The following PTPRA variants were observed in gnomAD, a reference collection of about 807,000 sequenced individuals.
PTPRA encodes receptor-type tyrosine-protein phosphatase alpha.
In PTPRA, 25 loss-of-function variants were observed where a neutral mutation model predicts 104.8. The observed-to-expected ratio is 0.24, with a 90% CI of 0.17 to 0.33. The LOEUF (loss-of-function observed/expected upper bound fraction) is 0.33. Among genes scored for constraint, PTPRA ranks in the 10% least tolerant of loss-of-function variants. The pLI is 1.00. For synonymous variants in PTPRA, 323 were observed against 368.9 expected (o/e 0.88, Z 1.43); for missense variants, 765 against 1,015.3 (o/e 0.75, Z 3.35).
chr20:2,937,714 TAG>T (rs2147605538), intron 2 of PTPRA, among the ~76,000 whole-genome samples: 1 of 152,336 alleles, frequency 6.6e-6, no homozygotes, highest in African/African-American at 2.4e-5. Flanking sequence ...TCCTTTCTGA[TAG>T]AGTTTCTTTA....
rs2063007839 is a variant in PTPRA at position 2,988,618 on chromosome 20, C to T, written c.738+144C>T. ...AATGTTTTACCAAGTTTATCTGACT[C>T]CCTGTATGATCATGGATAGGAAATG... On this transcript the variant is annotated intron_variant, in intron 9 of 23. Transcript: ENST00000399903. 4 of 1,221,230 alleles carry T rather than the reference C, an allele frequency of 3.3e-6. No homozygotes were observed. The Admixed American group carries it at 9.8e-5, about 30-fold the overall frequency. The allele number at this position is 1,221,230 out of a possible 1,614,324, so 75.6% of individuals were successfully genotyped here.
intron 9 of PTPRA, among the ~76,000 whole-genome samples, chr20:2,991,128 C>T (rs1445825511): frequency 6.6e-6 from 1 of 152,098 alleles, no homozygotes; most frequent in Non-Finnish European, 1.5e-5. Context: ...CCAAGCCAGG[C>T]AGATCACCTG....
intron 5 of PTPRA, among the ~76,000 whole-genome samples, chr20:2,971,444 ACT>A (rs1341109179): frequency 6.6e-6 from 1 of 151,932 alleles, no homozygotes; most frequent in Non-Finnish European, 1.5e-5. Flanking sequence ...GCCACCTTAA[ACT>A]CTCTTAGTAT....
At chr20:3,011,733 C>T (rs893320791) in intron 11 of PTPRA, among the ~76,000 whole-genome samples, 1 of 152,146 alleles carries the variant, frequency 6.6e-6, no homozygotes, top group Admixed American at 6.5e-5. Flanking sequence ...ATAGAGTGTA[C>T]TTTTCATCCA....
At chr20:2,968,752 A>G (rs541450268) in intron 5 of PTPRA, among the ~76,000 whole-genome samples, 36 of 151,464 alleles carry the variant, frequency 2.4e-4, no homozygotes, top group Non-Finnish European at 4.1e-4. Flanking sequence ...CATCTCTACA[A>G]ATGATTTAGA....
intron 19 of PTPRA, 145 bp from the exon 20 acceptor site, chr20:3,027,561 AG>A: frequency 9.4e-7 from 1 of 1,068,152 alleles, no homozygotes; most frequent in East Asian, 2.5e-5. Context: ...CTTGTCAGAT[AG>A]GGTTTCGTCC....
chr20:2,867,651 G>T, the PTPRA span, among the ~76,000 whole-genome samples: 8 of 152,214 alleles, frequency 5.3e-5, no homozygotes, highest in African/African-American at 1.9e-4. Flanking sequence ...TCATGCCCAG[G>T]GCCCCACCCA....
Position 3,022,118 on chromosome 20 carries a change from C to G in PTPRA, c.1226C>G (p.Pro409Arg), listed in dbSNP as rs751706313. 1 of 1,614,242 alleles carries G rather than the reference C, an allele frequency of 6.2e-7. No individual in the cohort carries two copies. The highest frequency in any genetic ancestry group is 1.1e-5 in the South Asian group (1 of 91,090). Residue 409 changes from proline (P) to arginine (R), a missense_variant, in exon 15 of 24, where the codon CCA becomes CGA. This residue lies in a region of PTPRA where 245 missense variants were observed against 398.7 expected (regional missense o/e 0.61). Coordinates refer to ENST00000399903, the MANE Select transcript of PTPRA (RefSeq NM_001385305.1). This position sits in a 1 kb window ranked among gnomAD's most constrained non-coding sequence, Gnocchi z 4.6. The stretch of plus-strand genomic sequence containing the variant: ...ACTCAGTTCCACTTTACCAGCTGGC[C>G]AGACTTTGGGGTGCCTTTTACCCCG... ...LITQFHFTSWPDFGVPFTPIG... is the reference protein window; with the variant it reads ...LITQFHFTSWRDFGVPFTPIG...
the PTPRA span, chr20:2,864,545 A>G: frequency 2.7e-5 from 43 of 1,613,998 alleles, no homozygotes; most frequent in Non-Finnish European, 3.5e-5. This position sits in a 1 kb window ranked among gnomAD's most constrained non-coding sequence, Gnocchi z 5.2. Context: ...CTGTGGCCCC[A>G]GTTCTGTAAG....
At chr20:2,869,981 T>A (rs182808799), upstream of PTPRA, among the ~76,000 whole-genome samples, 10 of 150,424 alleles carry the variant, frequency 6.6e-5, no homozygotes, top group East Asian at 4.0e-4. Flanking sequence ...CTTAAAAATA[T>A]ATATATATAT....
Position 3,035,960 on chromosome 20 carries a change from C to G in PTPRA, c.2198+19C>G. 6.2e-7 allele frequency: 1 copy of G among 1,613,020 alleles called. No individual in the cohort carries two copies. Among genetic ancestry groups the G allele is most frequent in the Non-Finnish European group, 8.5e-7 (1 of 1,179,946 alleles). ...ACTGCAGGTATGGCTCACCCTTGCC[C>G]TCAGCGGGAGAGAGAAAGCGAGGAG... On this transcript the variant is annotated intron_variant, in intron 22 of 23. Transcript: ENST00000399903. The surrounding 1 kb of genome is among the most constrained non-coding windows in gnomAD (Gnocchi z 5.8).
intron 20 of PTPRA, among the ~76,000 whole-genome samples, chr20:3,034,806 G>C (rs2065717515): frequency 6.6e-6 from 1 of 152,098 alleles, no homozygotes; most frequent in Admixed American, 6.5e-5. Flanking sequence ...CAGTAGTGAA[G>C]AATCTCAGAT....
At chr20:2,882,858 A>G (rs940336962) in intron 1 of PTPRA, among the ~76,000 whole-genome samples, 1 of 151,700 alleles carries the variant, frequency 6.6e-6, no homozygotes, top group South Asian at 2.1e-4. Context: ...CTTGTGGTAG[A>G]GTTGTTGATG....
rs762987651 is a variant in PTPRA, at chr20:3,035,473, C to T, written c.1921-112C>T. The stretch of plus-strand genomic sequence containing the variant: ...AGTTTTCAATACCTTGGGGACGAAG[C>T]GTATCAGCGTAAGAGGTGGCTGTAC... On this transcript the variant is annotated intron_variant, in intron 20 of 23. Transcript: ENST00000399903. This position sits in a 1 kb window ranked among gnomAD's most constrained non-coding sequence, Gnocchi z 5.8. 45 of 1,246,788 alleles carry T rather than the reference C, an allele frequency of 3.6e-5. No individual in the cohort carries two copies. Among genetic ancestry groups the T allele is most frequent in the Non-Finnish European group, 4.5e-5 (40 of 891,646 alleles). The allele number at this position is 1,246,788 out of a possible 1,614,324, so 77.2% of individuals were successfully genotyped here.
At chr20:2,931,092 A>C (rs2060486499) in intron 2 of PTPRA, among the ~76,000 whole-genome samples, 2 of 152,104 alleles carry the variant, frequency 1.3e-5, no homozygotes, top group African/African-American at 4.8e-5. Context: ...GTTATGGAAA[A>C]CCAGGATTCT....
At chr20:2,978,725 T>C (rs2062547479) in intron 6 of PTPRA, among the ~76,000 whole-genome samples, 1 of 152,178 alleles carries the variant, frequency 6.6e-6, no homozygotes, top group Non-Finnish European at 1.5e-5. Context: ...CAGTTTCGGT[T>C]TGTAACCATA....
chr20:2,867,368 T>C, the PTPRA span, among the ~76,000 whole-genome samples: 2 of 152,132 alleles, frequency 1.3e-5, no homozygotes, highest in African/African-American at 4.8e-5. Context: ...CTGGGCCAAA[T>C]AGAGAAGGAG....
At chr20:2,957,995 G>T (rs1002776228) in intron 3 of PTPRA, among the ~76,000 whole-genome samples, 2 of 151,630 alleles carry the variant, frequency 1.3e-5, no homozygotes, top group African/African-American at 4.8e-5. Context: ...GTATAGGGCT[G>T]ACAGTTTGGG....
rs1370953926 is a variant in PTPRA, at chr20:3,035,409, C to G, written c.1921-176C>G. Among the ~76,000 whole-genome samples the G allele has an allele frequency of 2.6e-5, 4 of 152,080 alleles. No homozygotes were observed. Among genetic ancestry groups the G allele is most frequent in the Admixed American group, 6.5e-5 (1 of 15,270 alleles). On this transcript the variant is annotated intron_variant, in intron 20 of 23. Coordinates refer to ENST00000399903, the MANE Select transcript of PTPRA (RefSeq NM_001385305.1). The surrounding 1 kb of genome is among the most constrained non-coding windows in gnomAD (Gnocchi z 5.8). Reference sequence around the variant, plus strand: ...GTTTTAGATGGTCTCTGGTGAGGATCGGAGGTTAATTGGAATGATGTGATA... The same window carrying G: ...GTTTTAGATGGTCTCTGGTGAGGATGGGAGGTTAATTGGAATGATGTGATA...
Sources: gnomAD v4.1 joint callset for allele counts (sites outside exome capture counted in the v4.1 genomes callset) on GRCh38, gnomAD v4.1.1 for gene constraint, gnomAD v4.1.1 regional missense constraint, Gnocchi (gnomAD v3.1) non-coding constraint, MANE v1.5 for transcripts, NCBI Gene and HGNC (gene_info 2026-07-23, HGNC 2026-07-21) for gene names.